The following KALRN variants were observed in gnomAD, a reference collection of about 807,000 sequenced individuals.
KALRN encodes the protein kalirin.
Under a neutral mutation model 353.7 loss-of-function variants are expected in KALRN, and 70 were observed. The observed-to-expected ratio is 0.20, with a 90% CI of 0.16 to 0.24. KALRN has a LOEUF of 0.24. Ranked by LOEUF, KALRN falls within the 10% of genes least tolerant of loss-of-function variation. The pLI, the probability that KALRN is intolerant of heterozygous loss-of-function variation, is 1.00. For missense variants in KALRN, 2,791 were observed against 3,756.7 expected, an observed-to-expected ratio of 0.74 and a Z score of 6.72; for synonymous variants, 1,391 against 1,434.8, an observed-to-expected ratio of 0.97 and a Z score of 0.69.
chr3:124,591,118 G>C (rs961090960), intron 34 of KALRN, among the ~76,000 whole-genome samples: 7 of 152,168 alleles, frequency 4.6e-5, no homozygotes, highest in African/African-American at 1.7e-4. Context: ...AAATGTACCT[G>C]CTTTCAAATG....
chr3:124,666,447 A>G lies in KALRN; in HGVS notation c.6346-2A>G. 1 of 1,613,722 alleles carries G rather than the reference A, an allele frequency of 6.2e-7. No homozygotes were observed. On this transcript the variant is annotated splice_acceptor_variant, in intron 45 of 59. Coordinates refer to ENST00000682506, the MANE Select transcript of KALRN (RefSeq NM_001388419.1). LOFTEE classifies it high-confidence loss of function. The stretch of plus-strand genomic sequence containing the variant: ...CTTCACCCCAGCCCGTCTTTCCTTC[A>G]GGGCACTCTGACTGCTCAGGGGAAG...
chr3:124,480,904 A>T (rs987007101), intron 27 of KALRN, among the ~76,000 whole-genome samples: 3 of 152,242 alleles, frequency 2.0e-5, no homozygotes, highest in Non-Finnish European at 4.4e-5. Context: ...TTTATGTCCA[A>T]ATAATATTTC....
intron 5 of KALRN, among the ~76,000 whole-genome samples, chr3:124,292,713 C>T (rs951391170): frequency 2.6e-5 from 4 of 152,146 alleles, no homozygotes; most frequent in Non-Finnish European, 5.9e-5. Context: ...TGTGATTCCC[C>T]ATTTACTGCA....
intron 8 of KALRN, among the ~76,000 whole-genome samples, chr3:124,331,219 C>T (rs1196896167): frequency 1.3e-5 from 2 of 152,082 alleles, no homozygotes; most frequent in Non-Finnish European, 2.9e-5. Context: ...TGTCTATCAA[C>T]CAATGAATGG....
chr3:124,679,712 C>T (rs2087573317), intron 51 of KALRN, 195 bp downstream of exon 51: 1 of 658,696 alleles, frequency 1.5e-6, no homozygotes, highest in African/African-American at 1.8e-5. Context: ...AAAACTCTAC[C>T]TAGATTTTTT....
At chr3:124,242,693 G>C (rs1215445595) in intron 3 of KALRN, among the ~76,000 whole-genome samples, 8 of 152,192 alleles carry the variant, frequency 5.3e-5, no homozygotes, top group Non-Finnish European at 1.0e-4. Context: ...GAAGGTTGCT[G>C]CAGGTGAGAA....
chr3:124,379,078 A>G (rs2086964733), intron 10 of KALRN, among the ~76,000 whole-genome samples: 1 of 152,074 alleles, frequency 6.6e-6, no homozygotes, highest in Non-Finnish European at 1.5e-5. Context: ...TAGCTCACAG[A>G]TGCTTTATTT....
chr3:124,596,498 A>G (rs1199916895), intron 34 of KALRN, among the ~76,000 whole-genome samples: 1 of 152,216 alleles, frequency 6.6e-6, no homozygotes, highest in Non-Finnish European at 1.5e-5. Flanking sequence ...ACCCCACAAT[A>G]GCTCCAAATA....
chr3:124,632,003 T>C (rs2013773), intron 34 of KALRN, among the ~76,000 whole-genome samples: 89,877 of 151,764 alleles, frequency 0.59, 27,329 homozygotes, highest in East Asian at 0.88. Context: ...CTGGCCCTGA[T>C]CACCTCTTCA....
At chr3:124,650,297 T>C (rs529653198) in intron 37 of KALRN, among the ~76,000 whole-genome samples, 5 of 152,198 alleles carry the variant, frequency 3.3e-5, no homozygotes, top group Non-Finnish European at 7.3e-5. Flanking sequence ...GGCCTATTCC[T>C]TAGAAATCTG....
At chr3:124,328,597 T>C (rs897038586) in intron 7 of KALRN, among the ~76,000 whole-genome samples, 3 of 152,228 alleles carry the variant, frequency 2.0e-5, no homozygotes, top group African/African-American at 4.8e-5. Flanking sequence ...TGATACTCGA[T>C]GGCACCTGGC....
chr3:124,141,141 C>A (rs1047859203), intron 1 of KALRN, among the ~76,000 whole-genome samples: 1 of 152,174 alleles, frequency 6.6e-6, no homozygotes, highest in African/African-American at 2.4e-5. Flanking sequence ...TCCTGGCCAC[C>A]TCCAATGCCA....
intron 21 of KALRN, among the ~76,000 whole-genome samples, chr3:124,448,285 G>C (rs926615603): frequency 2.0e-5 from 3 of 151,806 alleles, no homozygotes; most frequent in Non-Finnish European, 2.9e-5. Context: ...GCATGCCTTT[G>C]GTCTTTCCTT....
At chr3:124,268,589 C>A in intron 4 of KALRN, 154 bp from the exon 5 acceptor site, 1 of 721,978 alleles carries the variant, frequency 1.4e-6, no homozygotes, top group Admixed American at 2.6e-5. Context: ...TCTGTGACTC[C>A]TGACCAGTGA....
chr3:124,719,412 T>G lies in KALRN; in HGVS notation c.8903T>G (p.Val2968Gly). The G allele has an allele frequency of 6.2e-7, 1 of 1,614,154 alleles. No homozygotes were observed. Among genetic ancestry groups the G allele is most frequent in the East Asian group, 2.2e-5 (1 of 44,878 alleles). Residue 2968 changes from valine to glycine, a missense_variant, in exon 60 of 60, where the codon GTG (valine) becomes GGG (glycine). By Grantham distance (109) the Val-to-Gly change is moderately radical. Around this residue, in one of 11 missense-constraint regions of KALRN, gnomAD observed 32 missense variants for 27.4 expected, o/e 1.17. Transcript: ENST00000682506. The surrounding 1 kb of genome is among the most constrained non-coding windows in gnomAD (Gnocchi z 5.3). ...GAACGTCGCAAGCACCAGAATGATG[T>G]GCGGCCTATTCCCAATGTCAAGAGC... ...FIERRKHQND[V>G]RPIPNVKSYI...
intron 5 of KALRN, among the ~76,000 whole-genome samples, chr3:124,270,851 A>G (rs1256149217): frequency 1.1e-5 from 1 of 93,378 alleles, no homozygotes; most frequent in African/African-American, 3.9e-5. Context: ...TTTTTTTGAG[A>G]CGGAGTCTCG....
At chr3:124,151,746 T>C (rs866193542) in intron 1 of KALRN, among the ~76,000 whole-genome samples, 1 of 152,216 alleles carries the variant, frequency 6.6e-6, no homozygotes, top group African/African-American at 2.4e-5. Flanking sequence ...ATTTAGTACT[T>C]TTTGTGTCCT....
At chr3:124,493,641 G>A (rs557991351) in intron 32 of KALRN, among the ~76,000 whole-genome samples, 7 of 152,188 alleles carry the variant, frequency 4.6e-5, no homozygotes, top group Non-Finnish European at 8.8e-5. Flanking sequence ...CTCCTCCCCT[G>A]TACCTGAATG....
Position 124,633,868 on chromosome 3 carries a change from G to A in KALRN, c.5483G>A (p.Gly1828Asp). 1.9e-6 allele frequency: 3 copies of A among 1,613,950 alleles called. 1 individual carries two copies. The highest frequency in any genetic ancestry group is 2.2e-5 in the South Asian group (2 of 91,024). Reference protein sequence around the residue: ...DSADESKKGWGEDEPDEESHT... With the variant: ...DSADESKKGWDEDEPDEESHT... ...TTCTAGAAGAGCAAGAAAGGTTGGG[G>A]TGAAGATGAGCCGGATGAAGAGTCA... The change falls in exon 36 of 60, where the codon GGT becomes GAT. Residue 1828 changes from glycine (G) to aspartate (D), a missense_variant. Gly to Asp is a moderately conservative substitution (Grantham distance 94). Coordinates refer to ENST00000682506, the MANE Select transcript of KALRN (RefSeq NM_001388419.1).
Sources: allele counts gnomAD v4.1 joint callset (sites outside exome capture counted in the v4.1 genomes callset), GRCh38; gene constraint gnomAD v4.1.1; regional missense constraint gnomAD v4.1.1; non-coding constraint Gnocchi (gnomAD v3.1); transcripts MANE v1.5; gene names NCBI Gene and HGNC (gene_info 2026-07-23, HGNC 2026-07-21).